AKAP13: variants seen among roughly 807,000 people sequenced by gnomAD.
AKAP13 encodes A-kinase anchor protein 13.
A neutral mutation model predicts 264.5 loss-of-function variants in AKAP13; 80 were observed. The observed-to-expected ratio is 0.30, with a 90% CI of 0.25 to 0.36. AKAP13 has a LOEUF of 0.36. Ranked by LOEUF, AKAP13 falls within the 10% of genes least tolerant of loss-of-function variation. The pLI is 1.00. For missense variants in AKAP13, 3,712 were observed against 3,435.2 expected (o/e 1.08, Z -2.01); for synonymous variants, 1,380 against 1,250.2 (o/e 1.10, Z -2.19).
intron 10 of AKAP13, among the ~76,000 whole-genome samples, chr15:85,652,737 C>T (rs2151511508): frequency 6.6e-6 from 1 of 152,260 alleles, no homozygotes; most frequent in South Asian, 2.1e-4. Flanking sequence ...AGAAAATGGC[C>T]TCTCTTCTAG....
intron 8 of AKAP13, among the ~76,000 whole-genome samples, chr15:85,613,691 A>ATATATATATATATATATATGTGTGT (rs1555450578): frequency 5.4e-5 from 5 of 91,946 alleles, no homozygotes; most frequent in African/African-American, 2.3e-4. Flanking sequence ...AAAAAAAAAA[A>ATATATATATATATATATATGTGTGT]ATATATATAT....
rs1260893869 is a variant in AKAP13 at position 85,708,489 on chromosome 15, G to T, written c.5532+403G>T. ...TCAGGGGCATTGACCTGCTGGTGGGGGTGGGGAGGGTGTTATGGTTAGCCC... is the reference window on the plus strand; with the variant it reads ...TCAGGGGCATTGACCTGCTGGTGGGTGTGGGGAGGGTGTTATGGTTAGCCC... On this transcript the variant is annotated intron_variant, in intron 18 of 36. Coordinates refer to ENST00000394518, the MANE Select transcript of AKAP13 (RefSeq NM_007200.5). This position sits in a 1 kb window ranked among gnomAD's most constrained non-coding sequence, Gnocchi z 4.3. 2.0e-5 allele frequency among the ~76,000 whole-genome samples: 3 copies of T among 152,112 alleles called. No homozygotes were observed. Among genetic ancestry groups the T allele is most frequent in the Admixed American group, 1.3e-4 (2 of 15,264 alleles).
rs74322897 is a variant in AKAP13, at chr15:85,738,566, C to T, written c.7558-1656C>T. Among the ~76,000 whole-genome samples the T allele has an allele frequency of 8.5e-3, 1,296 of 151,902 alleles. 10 individuals carry two copies. Among genetic ancestry groups the T allele is most frequent in the Non-Finnish European group, 0.012 (815 of 67,938 alleles). Reference sequence around the variant, plus strand: ...AATCCCACCACTGAAAAATAGCTACCGTTAAATGTTTGGTGTTTTCCCAGC... The same window carrying T: ...AATCCCACCACTGAAAAATAGCTACTGTTAAATGTTTGGTGTTTTCCCAGC... On this transcript the variant is annotated intron_variant, in intron 33 of 36. Transcript: ENST00000394518.
intron 1 of AKAP13, among the ~76,000 whole-genome samples, chr15:85,450,474 C>T (rs1008255449): frequency 6.6e-6 from 1 of 152,050 alleles, no homozygotes; most frequent in Non-Finnish European, 1.5e-5. Context: ...TGAGATCTTT[C>T]TTTTTCGTGT....
In AKAP13 at chr15:85,723,326, G is replaced by A. The variant is rs779576176; in HGVS notation, c.6745+6G>A. 5 of 1,613,248 alleles carry A rather than the reference G, an allele frequency of 3.1e-6. No homozygotes were observed. The highest frequency in any genetic ancestry group is 4.2e-6 in the Non-Finnish European group (5 of 1,179,428). On this transcript the variant is annotated splice_donor_region_variant and intron_variant, in intron 26 of 36. Coordinates refer to ENST00000394518, the MANE Select transcript of AKAP13 (RefSeq NM_007200.5). Reference sequence around the variant, plus strand: ...TGCAGCAGGAAGGTTGAAAGGTAAGGCTTGGCTCTTTTGTCTTAAGTATGT... The same window carrying A: ...TGCAGCAGGAAGGTTGAAAGGTAAGACTTGGCTCTTTTGTCTTAAGTATGT...
At chr15:85,733,873 CTT>C (rs72092500) in intron 30 of AKAP13, among the ~76,000 whole-genome samples, 72 of 82,588 alleles carry the variant, frequency 8.7e-4, no homozygotes, top group East Asian at 7.3e-3. Context: ...TCTTTCTTTT[CTT>C]TTTTTTTTTT....
chr15:85,736,065 TA>T, intron 32 of AKAP13, 24 bp from the exon 33 acceptor site: 1 of 1,549,350 alleles, frequency 6.5e-7, no homozygotes, highest in Non-Finnish European at 8.9e-7. Context: ...TTCATTTTTT[TA>T]TATGTATGTT....
intron 1 of AKAP13, among the ~76,000 whole-genome samples, chr15:85,459,700 C>T (rs547630410): frequency 6.6e-5 from 10 of 152,150 alleles, no homozygotes; most frequent in East Asian, 1.9e-4. Context: ...GGGGTTTCAC[C>T]GTGTTAGCCA....
chr15:85,474,227 A>G (rs1392130593), intron 1 of AKAP13, among the ~76,000 whole-genome samples: 1 of 152,254 alleles, frequency 6.6e-6, no homozygotes, highest in Non-Finnish European at 1.5e-5. Flanking sequence ...GTAAAAGCTC[A>G]TAAGCCCATT....
At chr15:85,726,852 C>A in intron 27 of AKAP13, 1 of 595,478 alleles carries the variant, frequency 1.7e-6, no homozygotes, top group Non-Finnish European at 2.9e-6. Flanking sequence ...TGACTGGAAC[C>A]TTTAGAGCCA....
In AKAP13 at chr15:85,727,010, T is replaced by C; in HGVS notation, c.6823-56T>C. 2.5e-6 allele frequency: 4 copies of C among 1,594,054 alleles called. No homozygotes were observed. Among genetic ancestry groups the C allele is most frequent in the Non-Finnish European group, 3.4e-6 (4 of 1,164,538 alleles). On this transcript the variant is annotated intron_variant, in intron 27 of 36. Coordinates refer to ENST00000394518, the MANE Select transcript of AKAP13 (RefSeq NM_007200.5). This position sits in a 1 kb window ranked among gnomAD's most constrained non-coding sequence, Gnocchi z 5.3. ...GTCTTACCTTAGATTGAAGCTGTCC[T>C]TCAGAGTTAGAATATTGTATATGTA...
At chr15:85,474,894 C>G (rs1005111915) in intron 1 of AKAP13, among the ~76,000 whole-genome samples, 10 of 152,212 alleles carry the variant, frequency 6.6e-5, no homozygotes, top group Non-Finnish European at 1.5e-4. Context: ...CCCTCTGACA[C>G]TTGTGTGACT....
intron 36 of AKAP13, 33 bp from the exon 37 acceptor site, chr15:85,744,595 A>T: frequency 6.2e-7 from 1 of 1,612,720 alleles, no homozygotes; most frequent in Non-Finnish European, 8.5e-7. Flanking sequence ...AGTTTTTCTG[A>T]ATTTTTTTCA....
At chr15:85,488,356 A>G (rs146457494) in intron 2 of AKAP13, among the ~76,000 whole-genome samples, 4 of 152,334 alleles carry the variant, frequency 2.6e-5, no homozygotes, top group African/African-American at 4.8e-5. Context: ...TCTTGTGTCT[A>G]TACATAGAGA....
intron 35 of AKAP13, 151 bp downstream of exon 35, chr15:85,741,646 TGA>T: frequency 7.9e-7 from 1 of 1,263,964 alleles, no homozygotes; most frequent in Non-Finnish European, 1.0e-6. Context: ...GAGGCTGAGG[TGA>T]GAGGGTAGCT....
At chr15:85,564,080 A>T (rs1055913039) in intron 5 of AKAP13, among the ~76,000 whole-genome samples, 13 of 152,230 alleles carry the variant, frequency 8.5e-5, no homozygotes, top group Non-Finnish European at 1.8e-4. Flanking sequence ...AAGAGGATTA[A>T]ATTAGTGTAC....
At chr15:85,629,961 G>A (rs1321687627) in intron 8 of AKAP13, among the ~76,000 whole-genome samples, 1 of 151,218 alleles carries the variant, frequency 6.6e-6, no homozygotes, top group Admixed American at 6.6e-5. Context: ...TGTATTTTTT[G>A]TGGAGACAGG....
At chr15:85,621,928 A>G (rs1399536010) in intron 8 of AKAP13, among the ~76,000 whole-genome samples, 3 of 152,212 alleles carry the variant, frequency 2.0e-5, no homozygotes, top group African/African-American at 7.2e-5. Flanking sequence ...AAAGATTTTC[A>G]GTGGAGAAAA....
intron 1 of AKAP13, among the ~76,000 whole-genome samples, chr15:85,462,414 C>A (rs2151002580): frequency 6.6e-6 from 1 of 152,322 alleles, no homozygotes; most frequent in East Asian, 1.9e-4. Flanking sequence ...AGTTTGCCAT[C>A]TGAGTTTAGC....
Sources: gnomAD v4.1 joint callset for allele counts (sites outside exome capture counted in the v4.1 genomes callset) on GRCh38, gnomAD v4.1.1 for gene constraint, Gnocchi (gnomAD v3.1) non-coding constraint, MANE v1.5 for transcripts, NCBI Gene and HGNC (gene_info 2026-07-23, HGNC 2026-07-21) for gene names.